Variants in LSS observed in about 807,000 individuals in gnomAD.
The protein encoded by LSS is lanosterol synthase.
LSS carries 90 observed loss-of-function variants against 110.3 expected under a neutral mutation model. The observed-to-expected ratio is 0.82, with a 90% CI of 0.69 to 0.97. The LOEUF is 0.97. Among genes scored for constraint, LSS ranks in the 50% least tolerant of loss-of-function variants. The pLI is 0.00. For missense variants in LSS, 927 were observed against 990.0 expected, an observed-to-expected ratio of 0.94 and a Z score of 0.85; for synonymous variants, 433 against 400.0, an observed-to-expected ratio of 1.08 and a Z score of -0.98.
At chr21:46,191,336 G>A (rs1305745736) in intron 21 of LSS, 101 bp from the exon 22 acceptor site, 3 of 1,350,322 alleles carry the variant, frequency 2.2e-6, no homozygotes, top group South Asian at 2.5e-5. Context: ...GCTTGTGGGT[G>A]AGTCAGCCTG....
intron 3 of LSS, among the ~76,000 whole-genome samples, chr21:46,223,264 A>C (rs965942079): frequency 2.6e-5 from 4 of 152,224 alleles, no homozygotes; most frequent in African/African-American, 9.6e-5. Context: ...GGGGAGGCAG[A>C]GACAATAAAT....
chr21:46,205,740 G>C (rs1053383760), intron 17 of LSS, 96 bp downstream of exon 17: 16 of 925,114 alleles, frequency 1.7e-5, no homozygotes, highest in Middle Eastern at 2.4e-4. Flanking sequence ...TTTCGCTTCT[G>C]AGATGGGCCA....
chr21:46,228,307 G>A (rs1270468300), intron 2 of LSS, 127 bp downstream of exon 2: 10 of 1,091,596 alleles, frequency 9.2e-6, no homozygotes, highest in African/African-American at 1.6e-5. Context: ...AGTTCCCGTG[G>A]GCGCTCGCCT....
rs781381377 is a variant in LSS at position 46,215,302 on chromosome 21, C to T, written c.893-4G>A. ...TGCTCATACAGGTTGAGGAGCGCTACAGGGGACAGGGGTCAGTGGATGCCA... is the reference window on the plus strand; with the variant it reads ...TGCTCATACAGGTTGAGGAGCGCTATAGGGGACAGGGGTCAGTGGATGCCA... On this transcript the variant is annotated splice_region_variant and splice_polypyrimidine_tract_variant and intron_variant, in intron 8 of 21. Coordinates refer to ENST00000397728, the MANE Select transcript of LSS (RefSeq NM_002340.6). 1.1e-5 allele frequency: 18 copies of T among 1,586,772 alleles called. No homozygotes were observed. The East Asian group carries it at 3.6e-4, about 32-fold the overall frequency.
chr21:46,202,119 G>A (rs1249659254), intron 17 of LSS, among the ~76,000 whole-genome samples: 2 of 140,348 alleles, frequency 1.4e-5, no homozygotes, highest in Non-Finnish European at 3.1e-5. Flanking sequence ...TATAGGCCGG[G>A]CGCGGTGGCT....
chr21:46,212,873 G>C (rs1447803241), intron 11 of LSS, 152 bp downstream of exon 11: 1 of 845,762 alleles, frequency 1.2e-6, no homozygotes, highest in African/African-American at 1.7e-5. Flanking sequence ...CACCCACAGG[G>C]ACACGGCCAG....
rs1476039930 is a variant in LSS at position 46,221,195 on chromosome 21, C to G, written c.550+659G>C. ...GCCCCGGGCTTGGAGAGGTGGACAG[C>G]CCCGGGCTTGGAGAGGTAGACGATC... On this transcript the variant is annotated intron_variant, in intron 5 of 21. Transcript: ENST00000397728. Among the ~76,000 whole-genome samples the G allele has an allele frequency of 2.0e-5, 3 of 147,780 alleles. No homozygotes were observed. The South Asian group carries it at 6.5e-4, about 32-fold the overall frequency.
At position 46,215,696 on chromosome 21, in the gene LSS, C is replaced by A. The variant is rs188459967; in HGVS notation, c.881G>T (p.Arg294Leu). 1.9e-6 allele frequency: 3 copies of A among 1,610,594 alleles called. No homozygotes were observed. The highest frequency in any genetic ancestry group is 2.2e-5 in the South Asian group (2 of 90,738). The change falls in exon 8 of 22, where the codon CGC (arginine) becomes CTC (leucine). Residue 294 changes from arginine to leucine, a missense_variant. Physicochemically the swap from Arg to Leu is moderately radical, Grantham distance 102. Transcript: ENST00000397728. ...ELYTPHSWLLRVVYALLNLYE... is the reference protein window; with the variant it reads ...ELYTPHSWLLLVVYALLNLYE... ...CAGGAGGCGCTCACCATATACCACGCGGAGCAGCCAGCTGTGCGGCGTGTA... is the reference window on the plus strand; with the variant it reads ...CAGGAGGCGCTCACCATATACCACGAGGAGCAGCCAGCTGTGCGGCGTGTA...
At position 46,228,531 on chromosome 21, in the gene LSS, T is replaced by C. The variant is rs369422998; in HGVS notation, c.83A>G (p.Asn28Ser). The C allele has an allele frequency of 1.9e-5, 31 of 1,599,934 alleles. No homozygotes were observed. The African/African-American group carries it at 3.9e-4, about 20-fold the overall frequency. ...PATDLGRWRL[N>S]CERGRQTWTY... Reference sequence around the variant, plus strand: ...CCACGTCTGCCGGCCCCTCTCGCAGTTGAGTCGCCAGCGGCCGAGGTCGGT... The same window carrying C: ...CCACGTCTGCCGGCCCCTCTCGCAGCTGAGTCGCCAGCGGCCGAGGTCGGT... Residue 28 changes from asparagine to serine, a missense_variant, in exon 2 of 22, where the codon AAC becomes AGC. Asn to Ser is a conservative substitution (Grantham distance 46). Coordinates refer to ENST00000397728, the MANE Select transcript of LSS (RefSeq NM_002340.6).
At position 46,210,710 on chromosome 21, in the gene LSS, A is replaced by G. The variant is rs1249530918; in HGVS notation, c.1172T>C (p.Phe391Ser). Residue 391 changes from phenylalanine to serine, a missense_variant, in exon 12 of 22, where the codon TTC becomes TCC. Phe to Ser is a radical substitution (Grantham distance 155, BLOSUM62 -2). Transcript: ENST00000397728. ...TNGSQIWDTA[F>S]AIQALLEAGG... is the part of the protein sequence containing the mutation. Reference sequence around the variant, plus strand: ...AACCTCAAGCAGAGCCTGGATGGCGAATGCGGTGTCCCAGATCTGTGAGCC... The same window carrying G: ...AACCTCAAGCAGAGCCTGGATGGCGGATGCGGTGTCCCAGATCTGTGAGCC... 1 of 1,614,082 alleles carries G rather than the reference A, an allele frequency of 6.2e-7. No individual in the cohort carries two copies. Among genetic ancestry groups the G allele is most frequent in the Middle Eastern group, 1.6e-4 (1 of 6,062 alleles).
chr21:46,219,016 C>G lies in LSS; in HGVS notation c.647+460G>C, dbSNP rs549773750. On this transcript the variant is annotated intron_variant, in intron 6 of 21. Transcript: ENST00000397728. ...CTGGGATTACAGGCATGAGCCACCC[C>G]ACCTGGCCACAGACACTGATCTTTT... Among the ~76,000 whole-genome samples the G allele has an allele frequency of 1.7e-4, 26 of 152,332 alleles. No individual in the cohort carries two copies. The East Asian group carries it at 4.8e-3, about 28-fold the overall frequency.
intron 6 of LSS, among the ~76,000 whole-genome samples, chr21:46,218,576 A>C: frequency 6.6e-6 from 1 of 152,130 alleles, no homozygotes; most frequent in South Asian, 2.1e-4. Context: ...GTGACCCCAA[A>C]TCACGCCACT....
In LSS at chr21:46,189,675, T is replaced by A. The variant is rs575532354; in HGVS notation, c.*1429A>T. 4.8e-5 allele frequency: 22 copies of A among 456,436 alleles called. No individual in the cohort carries two copies. In the East Asian group the frequency reaches 1.5e-3, roughly 32 times the overall value. The allele number at this position is 456,436 out of a possible 1,614,324, so 28.3% of individuals were successfully genotyped here. ...ATCTGAGGGTGTCCAGACGCAGATC[T>A]CCACTGCCTGAGGGAGAGTGATCAG... On this transcript the variant is annotated 3_prime_UTR_variant, in exon 22 of 22. Coordinates refer to ENST00000397728, the MANE Select transcript of LSS (RefSeq NM_002340.6).
At chr21:46,219,136 G>C (rs1601444469) in intron 6 of LSS, among the ~76,000 whole-genome samples, 5 of 152,140 alleles carry the variant, frequency 3.3e-5, no homozygotes, top group Admixed American at 3.3e-4. Context: ...CAGCAACACA[G>C]GACGCCCCTG....
At chr21:46,225,496 A>G in intron 3 of LSS, 1 of 429,278 alleles carries the variant, frequency 2.3e-6, no homozygotes, top group East Asian at 7.1e-5. Flanking sequence ...CTACTCCTCC[A>G]CCTCTTGTGG....
At chr21:46,222,150 A>C (rs1601448692) in intron 4 of LSS, 175 bp from the exon 5 acceptor site, 1 of 638,556 alleles carries the variant, frequency 1.6e-6, no homozygotes, top group Non-Finnish European at 2.7e-6. Context: ...GAATTCATGC[A>C]CCTCCCATGA....
intron 15 of LSS, 43 bp from the exon 16 acceptor site, chr21:46,206,811 G>T: frequency 6.9e-7 from 1 of 1,446,956 alleles, no homozygotes; most frequent in Non-Finnish European, 9.6e-7. Flanking sequence ...CATGTGCTGA[G>T]CACACACAGG....
At chr21:46,205,320 A>G (rs902209774) in intron 17 of LSS, among the ~76,000 whole-genome samples, 1 of 152,124 alleles carries the variant, frequency 6.6e-6, no homozygotes, top group East Asian at 1.9e-4. Flanking sequence ...GGAGAAGGCA[A>G]CACGAATTCC....
rs2080248421 is a variant in LSS, at chr21:46,219,561, C to T, written c.562G>A (p.Ala188Thr). 1 of 1,596,278 alleles carries T rather than the reference C, an allele frequency of 6.3e-7. No individual in the cohort carries two copies. Among genetic ancestry groups the T allele is most frequent in the African/African-American group, 1.3e-5 (1 of 74,312 alleles). The change falls in exon 6 of 22, where the codon GCC becomes ACC. Residue 188 changes from alanine to threonine, a missense_variant. Coordinates refer to ENST00000397728, the MANE Select transcript of LSS (RefSeq NM_002340.6). ...NILHKKGGAVAIPSWGKFWLA... is the reference protein window; with the variant it reads ...NILHKKGGAVTIPSWGKFWLA... ...CAGAACTTCCCCCAGGAGGGGATGG[C>T]CACAGCACCACCTGAGCGGGGAGAG...
Sources: allele counts gnomAD v4.1 joint callset (sites outside exome capture counted in the v4.1 genomes callset), GRCh38; gene constraint gnomAD v4.1.1; transcripts MANE v1.5; gene names NCBI Gene and HGNC (gene_info 2026-07-23, HGNC 2026-07-21).